The following KCTD16 variants were observed in gnomAD, a reference collection of about 807,000 sequenced individuals.
KCTD16 encodes the protein BTB/POZ domain-containing protein KCTD16.
KCTD16 carries 13 observed loss-of-function variants against 33.2 expected under a neutral mutation model. The observed-to-expected ratio is 0.39, with a 90% CI of 0.25 to 0.62. KCTD16 has a LOEUF of 0.62. Among genes scored for constraint, KCTD16 ranks in the 20% least tolerant of loss-of-function variants. The pLI is 0.50. For missense variants in KCTD16, 441 were observed against 525.1 expected (o/e 0.84, Z 1.57); for synonymous variants, 197 against 195.3 (o/e 1.01, Z -0.07).
chr5:144,467,024 ACAC>A (rs1258578069), intron 3 of KCTD16, among the ~76,000 whole-genome samples: 1 of 125,162 alleles, frequency 8.0e-6, no homozygotes, highest in Non-Finnish European at 1.7e-5. Context: ...AATATATATA[ACAC>A]TATATATTAT....
chr5:144,357,410 T>C (rs1296674192), intron 3 of KCTD16, among the ~76,000 whole-genome samples: 3 of 152,176 alleles, frequency 2.0e-5, no homozygotes, highest in Non-Finnish European at 4.4e-5. Flanking sequence ...TCTTAGGCGA[T>C]GTAGGATCAG....
chr5:144,257,009 A>G (rs1193833539), intron 3 of KCTD16, among the ~76,000 whole-genome samples: 1 of 152,036 alleles, frequency 6.6e-6, no homozygotes, highest in African/African-American at 2.4e-5. Context: ...GTGGCAATAT[A>G]TTTTTTCTTT....
At chr5:144,293,433 A>T (rs570214690) in intron 3 of KCTD16, among the ~76,000 whole-genome samples, 1 of 152,286 alleles carries the variant, frequency 6.6e-6, no homozygotes, top group Admixed American at 6.5e-5. Context: ...TTTTAAAATT[A>T]TGGCTTTTCT....
chr5:144,441,773 T>C (rs10054473), intron 3 of KCTD16, among the ~76,000 whole-genome samples: 31,637 of 124,012 alleles, frequency 0.26, 3,763 homozygotes, highest in Admixed American at 0.3. Flanking sequence ...TCTAAATTTG[T>C]TTTTTTTTTT....
intron 3 of KCTD16, among the ~76,000 whole-genome samples, chr5:144,367,436 T>A (rs1256143171): frequency 4.6e-5 from 7 of 152,138 alleles, no homozygotes; most frequent in Non-Finnish European, 1.0e-4. Flanking sequence ...TTAAAATAGT[T>A]TTCCTTTTTC....
At chr5:144,275,010 A>T (rs1755401496) in intron 3 of KCTD16, among the ~76,000 whole-genome samples, 1 of 152,228 alleles carries the variant, frequency 6.6e-6, no homozygotes, top group South Asian at 2.1e-4. Flanking sequence ...ACTAAAAAAG[A>T]TATTTTGAAA....
intron 3 of KCTD16, among the ~76,000 whole-genome samples, chr5:144,235,301 A>G (rs1754219823): frequency 6.6e-6 from 1 of 152,064 alleles, no homozygotes. Flanking sequence ...GCCTCTCCCA[A>G]GGGGTGTGGC....
intron 3 of KCTD16, among the ~76,000 whole-genome samples, chr5:144,414,476 A>T (rs1753002874): frequency 6.6e-6 from 1 of 152,146 alleles, no homozygotes; most frequent in Admixed American, 6.5e-5. Context: ...TCCAACTCAA[A>T]TCCTTACTTT....
chr5:144,248,287 C>T (rs1561542321), intron 3 of KCTD16, among the ~76,000 whole-genome samples: 1 of 152,030 alleles, frequency 6.6e-6, no homozygotes, highest in Non-Finnish European at 1.5e-5. Context: ...AGAAAGAAAG[C>T]TTTATGGATA....
chr5:144,284,701 T>C (rs759048613), intron 3 of KCTD16, among the ~76,000 whole-genome samples: 10 of 152,184 alleles, frequency 6.6e-5, no homozygotes, highest in Non-Finnish European at 1.2e-4. Context: ...AATAGACTGC[T>C]TTTCAAGATG....
At chr5:144,422,464 T>C (rs1753232312) in intron 3 of KCTD16, among the ~76,000 whole-genome samples, 1 of 152,202 alleles carries the variant, frequency 6.6e-6, no homozygotes, top group South Asian at 2.1e-4. Context: ...CAGGCTGTAC[T>C]GAAAACTTTC....
intron 3 of KCTD16, among the ~76,000 whole-genome samples, chr5:144,447,506 T>C (rs1348002059): frequency 1.3e-5 from 2 of 151,900 alleles, no homozygotes; most frequent in Non-Finnish European, 2.9e-5. Context: ...TGTATACCTA[T>C]GTAACAAACC....
intron 3 of KCTD16, among the ~76,000 whole-genome samples, chr5:144,267,726 T>C (rs564350210): frequency 2.6e-5 from 4 of 152,300 alleles, no homozygotes; most frequent in African/African-American, 9.6e-5. Context: ...TCAAATGAGG[T>C]ACCATTCTTT....
At chr5:144,364,017 G>A (rs1003855778) in intron 3 of KCTD16, among the ~76,000 whole-genome samples, 2 of 152,134 alleles carry the variant, frequency 1.3e-5, no homozygotes, top group African/African-American at 4.8e-5. Flanking sequence ...TAGTTCTATA[G>A]TTAAAGGGAC....
intron 3 of KCTD16, among the ~76,000 whole-genome samples, chr5:144,249,738 G>A (rs28583528): frequency 0.047 from 7,080 of 152,130 alleles, 481 homozygotes; most frequent in African/African-American, 0.15. Flanking sequence ...CAGGCTATCC[G>A]TATTTTATAT....
At chr5:144,448,269 T>A in intron 3 of KCTD16, among the ~76,000 whole-genome samples, 1 of 152,114 alleles carries the variant, frequency 6.6e-6, no homozygotes, top group Admixed American at 6.6e-5. Flanking sequence ...AGTATCTGGT[T>A]TTAACATAGA....
At chr5:144,184,906 G>T (rs1439227089) in intron 2 of KCTD16, among the ~76,000 whole-genome samples, 2 of 152,040 alleles carry the variant, frequency 1.3e-5, no homozygotes, top group African/African-American at 2.4e-5. Flanking sequence ...ATTTTAGTTA[G>T]CAACATGGTA....
chr5:144,313,093 A>G lies in KCTD16; in HGVS notation c.832+105547A>G, dbSNP rs141583658. Among the ~76,000 whole-genome samples, 28 of 152,350 alleles carry G rather than the reference A, an allele frequency of 1.8e-4. No homozygotes were observed. The East Asian group carries it at 4.4e-3, about 24-fold the overall frequency. ...AGCAGTATAGTTGCAACCTATATTC[A>G]GGGCATTTTTAGGATATGGAGAAAG... On this transcript the variant is annotated intron_variant, in intron 3 of 3. Transcript: ENST00000512467.
chr5:144,350,053 T>A (rs754896587), intron 3 of KCTD16, among the ~76,000 whole-genome samples: 1 of 152,176 alleles, frequency 6.6e-6, no homozygotes, highest in Non-Finnish European at 1.5e-5. Context: ...CTTGAATCCT[T>A]TAAGACAGAA....
Sources: allele counts gnomAD v4.1 joint callset (sites outside exome capture counted in the v4.1 genomes callset), GRCh38; gene constraint gnomAD v4.1.1; transcripts MANE v1.5; gene names NCBI Gene and HGNC (gene_info 2026-07-23, HGNC 2026-07-21).